Variants in DAAM2 observed in about 807,000 individuals in gnomAD.
The protein encoded by DAAM2 is dishevelled associated activator of morphogenesis 2, also known as disheveled-associated activator of morphogenesis 2.
In DAAM2, 39 loss-of-function variants were observed where a neutral mutation model predicts 120.7. The ratio of observed to expected loss-of-function variants is 0.32; its 90% CI spans 0.25 to 0.42. The LOEUF (loss-of-function observed/expected upper bound fraction) is 0.42. Ranked by LOEUF, DAAM2 falls within the 10% of genes least tolerant of loss-of-function variation. The probability of loss-of-function intolerance (pLI) is 1.00; values close to 1 mark genes in which losing one functional copy is unlikely to be tolerated. For synonymous variants in DAAM2, 488 were observed against 524.9 expected (o/e 0.93, Z 0.96); for missense variants, 1,283 against 1,401.7 (o/e 0.92, Z 1.35).
In DAAM2 at chr6:39,904,352, C is replaced by T. The variant is rs987544424; in HGVS notation, c.*2315C>T. On this transcript the variant is annotated 3_prime_UTR_variant, in exon 25 of 25. Coordinates refer to ENST00000274867, the MANE Select transcript of DAAM2 (RefSeq NM_001201427.2). ...ACTGTAGCCAGATCTCCAACAGTGC[C>T]TTGGACCATGGACTCATACTCAACT... The T allele has an allele frequency of 1.5e-5, 7 of 456,602 alleles. No individual in the cohort carries two copies. Among genetic ancestry groups the T allele is most frequent in the Non-Finnish European group, 3.1e-5 (7 of 226,988 alleles). 28.3% of individuals were successfully genotyped at this position (456,602 alleles called of 1,614,324 possible).
intron 4 of DAAM2, 97 bp from the exon 5 acceptor site, chr6:39,864,883 C>T (rs1764361155): frequency 1.4e-6 from 2 of 1,474,276 alleles, no homozygotes; most frequent in Non-Finnish European, 1.8e-6. Context: ...CCTGAGGCCT[C>T]ACCCTTTCTG....
intron 2 of DAAM2, among the ~76,000 whole-genome samples, chr6:39,857,371 A>G (rs565621826): frequency 2.0e-5 from 3 of 152,362 alleles, no homozygotes; most frequent in Admixed American, 6.5e-5. Flanking sequence ...GCTAATAGAT[A>G]TACCTGGTTA....
chr6:39,844,411 C>A lies in DAAM2; in HGVS notation c.-56-11836C>A, dbSNP rs80083014. On this transcript the variant is annotated intron_variant, in intron 1 of 24. Coordinates refer to ENST00000274867, the MANE Select transcript of DAAM2 (RefSeq NM_001201427.2). Reference sequence around the variant, plus strand: ...ACACACACCCCACCCAGAGCTAAATCGAAGCTGGGTTGGAATGTGATACTG... The same window carrying A: ...ACACACACCCCACCCAGAGCTAAATAGAAGCTGGGTTGGAATGTGATACTG... Among the ~76,000 whole-genome samples, 622 of 151,948 alleles carry A rather than the reference C, an allele frequency of 4.1e-3. 5 individuals carry two copies. The highest frequency in any genetic ancestry group is 0.014 in the African/African-American group (592 of 41,408).
chr6:39,872,435 G>T (rs1380455998), intron 9 of DAAM2, among the ~76,000 whole-genome samples: 4 of 152,182 alleles, frequency 2.6e-5, no homozygotes, highest in African/African-American at 9.7e-5. Flanking sequence ...CATGTGATTA[G>T]TCTCAAATAC....
intron 1 of DAAM2, among the ~76,000 whole-genome samples, chr6:39,847,253 G>A (rs540246809): frequency 6.6e-6 from 1 of 152,338 alleles, no homozygotes; most frequent in South Asian, 2.1e-4. Context: ...AGGAATAGTA[G>A]CCAGTGGGGG....
chr6:39,864,475 T>G lies in DAAM2; in HGVS notation c.301T>G (p.Tyr101Asp), dbSNP rs930571735. 6.2e-7 allele frequency: 1 copy of G among 1,612,672 alleles called. No individual in the cohort carries two copies. Among genetic ancestry groups the G allele is most frequent in the East Asian group, 2.2e-5 (1 of 44,888 alleles). ...PNKLATSWPD[Y>D]YIDRINSMAA... ...CAAGCTGGCAACCAGCTGGCCTGAC[T>G]ATTACATCGACCGCATCAATTCCAT... is the stretch of plus-strand genomic sequence containing the variant. Residue 101 changes from tyrosine to aspartate, a missense_variant, in exon 4 of 25, where the codon TAT becomes GAT. Coordinates refer to ENST00000274867, the MANE Select transcript of DAAM2 (RefSeq NM_001201427.2).
chr6:39,830,541 G>A (rs1762841504), intron 1 of DAAM2, among the ~76,000 whole-genome samples: 1 of 152,146 alleles, frequency 6.6e-6, no homozygotes, highest in Non-Finnish European at 1.5e-5. Flanking sequence ...TACCCCTGTG[G>A]CCCTCCGGCT....
At chr6:39,880,428 A>G (rs924595901) in intron 14 of DAAM2, among the ~76,000 whole-genome samples, 5 of 152,172 alleles carry the variant, frequency 3.3e-5, no homozygotes, top group Non-Finnish European at 7.4e-5. Flanking sequence ...ATGGTAGACC[A>G]GCTAGCCTGT....
At chr6:39,831,965 GGGGGGGTAGGTGCACT>G (rs1266977904) in intron 1 of DAAM2, among the ~76,000 whole-genome samples, 37 of 118,530 alleles carry the variant, frequency 3.1e-4, no homozygotes, top group African/African-American at 9.7e-4. Context: ...TAGGTGCACT[GGGGGGGTAGGTGCACT>G]GGGGGGTAGG....
chr6:39,855,512 T>C (rs1248123993), intron 1 of DAAM2, among the ~76,000 whole-genome samples: 3 of 152,292 alleles, frequency 2.0e-5, no homozygotes, highest in Non-Finnish European at 2.9e-5. Context: ...CAAATACCAT[T>C]CCAATGATCA....
At position 39,873,298 on chromosome 6, in the gene DAAM2, T is replaced by C; in HGVS notation, c.1105T>C (p.Tyr369His). 1.9e-6 allele frequency: 3 copies of C among 1,613,698 alleles called. No individual in the cohort carries two copies. Among genetic ancestry groups the C allele is most frequent in the Non-Finnish European group, 8.5e-7 (1 of 1,179,818 alleles). Residue 369 changes from tyrosine (Y) to histidine (H), a missense_variant, in exon 10 of 25, where the codon TAC becomes CAC. By Grantham distance (83) the Tyr-to-His change is moderately conservative. Around this residue, in one of 3 missense-constraint regions of DAAM2, gnomAD observed 338 missense variants for 443.9 expected, o/e 0.76. Coordinates refer to ENST00000274867, the MANE Select transcript of DAAM2 (RefSeq NM_001201427.2). ...MFELIHKKLKYTEAYPCLLSV... is the reference protein window; with the variant it reads ...MFELIHKKLKHTEAYPCLLSV... Reference sequence around the variant, plus strand: ...TGAGTTGATCCACAAGAAGCTGAAGTACACGGAGGCCTACCCCTGCCTGCT... The same window carrying C: ...TGAGTTGATCCACAAGAAGCTGAAGCACACGGAGGCCTACCCCTGCCTGCT...
intron 1 of DAAM2, among the ~76,000 whole-genome samples, chr6:39,846,972 T>G (rs188634092): frequency 3.9e-4 from 60 of 152,296 alleles, no homozygotes; most frequent in Non-Finnish European, 7.8e-4. Context: ...TCAGCTCCCA[T>G]CCTACCCCCT....
chr6:39,875,443 T>A lies in DAAM2; in HGVS notation c.1276T>A (p.Phe426Ile). Residue 426 changes from phenylalanine to isoleucine, a missense_variant, in exon 11 of 25, where the codon TTC becomes ATC. By Grantham distance (21) the Phe-to-Ile change is conservative. Around this residue, in one of 3 missense-constraint regions of DAAM2, gnomAD observed 338 missense variants for 443.9 expected, o/e 0.76. Transcript: ENST00000274867. ...CCCTGACCTGGCTCCCTTGGAGAACTTCAATGTCAAGAACATCGTCAACAT... is the reference window on the plus strand; with the variant it reads ...CCCTGACCTGGCTCCCTTGGAGAACATCAATGTCAAGAACATCGTCAACAT... Reference protein sequence around the residue: ...VDPDLAPLENFNVKNIVNMLI... With the variant: ...VDPDLAPLENINVKNIVNMLI... 1 of 1,613,868 alleles carries A rather than the reference T, an allele frequency of 6.2e-7. No individual in the cohort carries two copies. Among genetic ancestry groups the A allele is most frequent in the East Asian group, 2.2e-5 (1 of 44,874 alleles).
chr6:39,844,071 C>T (rs1763467557), intron 1 of DAAM2, among the ~76,000 whole-genome samples: 1 of 152,150 alleles, frequency 6.6e-6, no homozygotes, highest in African/African-American at 2.4e-5. Context: ...GATCATATTA[C>T]TGCTTTTGCA....
chr6:39,809,275 C>T, intron 1 of DAAM2, among the ~76,000 whole-genome samples: 1 of 152,114 alleles, frequency 6.6e-6, no homozygotes, highest in East Asian at 1.9e-4. Context: ...GGGGAGTGGG[C>T]ACTCTGAAAT....
At chr6:39,875,234 C>A in intron 10 of DAAM2, 96 bp from the exon 11 acceptor site, 1 of 1,363,828 alleles carries the variant, frequency 7.3e-7, no homozygotes, top group Non-Finnish European at 1.0e-6. Flanking sequence ...TGGAGAAGGG[C>A]ATGCCTCACC....
At chr6:39,881,908 C>G (rs1765136968) in intron 14 of DAAM2, 1 of 152,106 alleles carries the variant, frequency 6.6e-6, no homozygotes, top group Non-Finnish European at 1.5e-5. Context: ...CATGGAGACT[C>G]AGTTTCCTTT....
At chr6:39,799,286 G>T (rs115692732) in intron 1 of DAAM2, among the ~76,000 whole-genome samples, 485 of 152,258 alleles carry the variant, frequency 3.2e-3, no homozygotes, top group African/African-American at 0.011. Context: ...TCTTCTGTAG[G>T]CTTTTCATGG....
At chr6:39,850,230 T>C (rs1039140594) in intron 1 of DAAM2, among the ~76,000 whole-genome samples, 3 of 152,220 alleles carry the variant, frequency 2.0e-5, no homozygotes, top group Non-Finnish European at 4.4e-5. Flanking sequence ...TCTGTGCCTC[T>C]GCTTATGCCG....
Sources: gnomAD v4.1 joint callset for allele counts (sites outside exome capture counted in the v4.1 genomes callset) on GRCh38, gnomAD v4.1.1 for gene constraint, gnomAD v4.1.1 regional missense constraint, MANE v1.5 for transcripts, NCBI Gene and HGNC (gene_info 2026-07-23, HGNC 2026-07-21) for gene names.